ATXN1: variants seen among roughly 807,000 people sequenced by gnomAD.
The protein encoded by ATXN1 is ataxin 1, also known as ataxin-1.
A neutral mutation model predicts 56.4 loss-of-function variants in ATXN1; 8 were observed. The observed-to-expected ratio is 0.14, with a 90% CI of 0.08 to 0.26. The LOEUF (loss-of-function observed/expected upper bound fraction) is 0.26. Among genes scored for constraint, ATXN1 ranks in the 10% least tolerant of loss-of-function variants. The pLI, the probability that ATXN1 is intolerant of heterozygous loss-of-function variation, is 1.00. For synonymous variants in ATXN1, 514 were observed against 494.6 expected, an observed-to-expected ratio of 1.04 and a Z score of -0.52; for missense variants, 987 against 1,106.5, an observed-to-expected ratio of 0.89 and a Z score of 1.53.
chr6:16,696,194 G>T (rs1561812195), intron 2 of ATXN1, among the ~76,000 whole-genome samples: 1 of 152,130 alleles, frequency 6.6e-6, no homozygotes, highest in Non-Finnish European at 1.5e-5. Flanking sequence ...TAATGTATAT[G>T]ATTCAGCTTA....
intron 2 of ATXN1, among the ~76,000 whole-genome samples, chr6:16,750,350 C>G (rs1280526283): frequency 1.3e-5 from 2 of 152,070 alleles, no homozygotes; most frequent in Non-Finnish European, 2.9e-5. Flanking sequence ...TGACTGTGAA[C>G]AAGTTAGGTC....
At chr6:16,689,901 T>C (rs2113415975) in intron 2 of ATXN1, among the ~76,000 whole-genome samples, 1 of 152,300 alleles carries the variant, frequency 6.6e-6, no homozygotes, top group South Asian at 2.1e-4. Context: ...CTGTACCGTT[T>C]GATCAACCAA....
At chr6:16,384,172 T>A (rs185063874) in intron 6 of ATXN1, among the ~76,000 whole-genome samples, 1 of 152,244 alleles carries the variant, frequency 6.6e-6, no homozygotes, top group Non-Finnish European at 1.5e-5. Flanking sequence ...GAGCTTCATC[T>A]GTTTTCTCTG....
intron 3 of ATXN1, among the ~76,000 whole-genome samples, chr6:16,586,878 G>A (rs918558729): frequency 2.6e-5 from 4 of 152,032 alleles, no homozygotes; most frequent in Non-Finnish European, 1.5e-5. Context: ...AATTAGCCAC[G>A]CATGGTGGTG....
chr6:16,472,727 G>A (rs148196135), intron 6 of ATXN1, among the ~76,000 whole-genome samples: 62 of 152,262 alleles, frequency 4.1e-4, no homozygotes, highest in African/African-American at 1.2e-3. Context: ...AGCATGCCCT[G>A]GGGTTTTTCA....
chr6:16,498,748 C>A (rs942882898), intron 5 of ATXN1, among the ~76,000 whole-genome samples: 1 of 152,196 alleles, frequency 6.6e-6, no homozygotes, highest in South Asian at 2.1e-4. Flanking sequence ...CCCCTAAACA[C>A]TAATGATGTT....
rs1581706966 is a variant in ATXN1 at position 16,349,617 on chromosome 6, C to T, written c.-160-21147G>A. Among the ~76,000 whole-genome samples, 2 of 152,296 alleles carry T rather than the reference C, an allele frequency of 1.3e-5. 1 individual carries two copies. Among genetic ancestry groups the T allele is most frequent in the East Asian group, 3.9e-4 (2 of 5,194 alleles). ...CAGCAAAGATGGTGAATGGAATAAT[C>T]TCTCATTAAAAGTTTCCCTGCCTCA... On this transcript the variant is annotated intron_variant, in intron 6 of 7. Coordinates refer to ENST00000436367, the MANE Select transcript of ATXN1 (RefSeq NM_001128164.2).
intron 3 of ATXN1, among the ~76,000 whole-genome samples, chr6:16,656,065 G>A (rs559127996): frequency 6.7e-6 from 1 of 149,102 alleles, no homozygotes; most frequent in East Asian, 2.0e-4. Context: ...ACTCCAGCCT[G>A]GTGACAGAGC....
chr6:16,747,408 G>C (rs955791484), intron 2 of ATXN1, among the ~76,000 whole-genome samples: 1 of 152,032 alleles, frequency 6.6e-6, no homozygotes, highest in Non-Finnish European at 1.5e-5. Flanking sequence ...AAATAAAGAG[G>C]GAATTACCAA....
intron 6 of ATXN1, among the ~76,000 whole-genome samples, chr6:16,333,739 G>A (rs1235770461): frequency 6.6e-6 from 1 of 152,204 alleles, no homozygotes; most frequent in Non-Finnish European, 1.5e-5. Context: ...GAATACCTGG[G>A]TGTGAGGACA....
chr6:16,632,297 T>C (rs1207097056), intron 3 of ATXN1, among the ~76,000 whole-genome samples: 1 of 152,158 alleles, frequency 6.6e-6, no homozygotes, highest in East Asian at 1.9e-4. Context: ...CCTTGCAACG[T>C]TTGCTCGTGG....
intron 2 of ATXN1, among the ~76,000 whole-genome samples, chr6:16,733,642 G>A (rs1760044199): frequency 6.6e-6 from 1 of 152,164 alleles, no homozygotes; most frequent in African/African-American, 2.4e-5. Flanking sequence ...GAGGTCGGGA[G>A]TTCAAGACCA....
intron 4 of ATXN1, among the ~76,000 whole-genome samples, chr6:16,523,723 A>G (rs1761338749): frequency 6.6e-6 from 1 of 152,190 alleles, no homozygotes; most frequent in South Asian, 2.1e-4. Context: ...GAGGCCACAT[A>G]TCAGGCTGAC....
At chr6:16,595,157 C>T (rs1437090532) in intron 3 of ATXN1, among the ~76,000 whole-genome samples, 2 of 152,156 alleles carry the variant, frequency 1.3e-5, no homozygotes, top group African/African-American at 4.8e-5. Flanking sequence ...ATTTCCTTCA[C>T]TATTAGAAGC....
intron 2 of ATXN1, among the ~76,000 whole-genome samples, chr6:16,692,531 C>T (rs548468117): frequency 2.4e-4 from 37 of 151,804 alleles, no homozygotes; most frequent in Non-Finnish European, 5.3e-4. Flanking sequence ...ACAATTATAC[C>T]CAATTAACAC....
At chr6:16,650,731 G>C (rs1462596571) in intron 3 of ATXN1, among the ~76,000 whole-genome samples, 1 of 152,162 alleles carries the variant, frequency 6.6e-6, no homozygotes, top group African/African-American at 2.4e-5. Flanking sequence ...ATCACAGGCA[G>C]CCTATCGTTC....
chr6:16,589,226 TATC>T (rs1762680148), intron 3 of ATXN1, among the ~76,000 whole-genome samples: 1 of 152,036 alleles, frequency 6.6e-6, no homozygotes, highest in Non-Finnish European at 1.5e-5. Context: ...TTAAAGCAAT[TATC>T]ATATTTTCCT....
intron 6 of ATXN1, among the ~76,000 whole-genome samples, chr6:16,387,050 C>A (rs1054395500): frequency 6.6e-6 from 1 of 152,108 alleles, no homozygotes; most frequent in Admixed American, 6.6e-5. Flanking sequence ...TAGTATGATG[C>A]GTCTAATAGT....
chr6:16,562,596 C>A (rs2113740912), intron 4 of ATXN1, among the ~76,000 whole-genome samples: 1 of 151,996 alleles, frequency 6.6e-6, no homozygotes, highest in Admixed American at 6.5e-5. Flanking sequence ...GCCCAGAGGT[C>A]TAGGAGTAAC....
Sources: gnomAD v4.1 joint callset for allele counts (sites outside exome capture counted in the v4.1 genomes callset) on GRCh38, gnomAD v4.1.1 for gene constraint, MANE v1.5 for transcripts, NCBI Gene and HGNC (gene_info 2026-07-23, HGNC 2026-07-21) for gene names.